The following SLC44A5 variants were observed in gnomAD, a reference collection of about 807,000 sequenced individuals.
SLC44A5 encodes solute carrier family 44 member 5.
A neutral mutation model predicts 101.8 loss-of-function variants in SLC44A5; 57 were observed. The ratio of observed to expected loss-of-function variants is 0.56; its 90% CI spans 0.45 to 0.70. SLC44A5 has a LOEUF of 0.70. Ranked by LOEUF, SLC44A5 falls within the 30% of genes least tolerant of loss-of-function variation. The pLI is 0.00. For synonymous variants in SLC44A5, 281 were observed against 290.9 expected (o/e 0.97, Z 0.35); for missense variants, 737 against 853.1 (o/e 0.86, Z 1.70).
the SLC44A5 span, among the ~76,000 whole-genome samples, chr1:75,628,135 T>C: frequency 1.3e-5 from 2 of 151,908 alleles, no homozygotes; most frequent in East Asian, 1.9e-4. Flanking sequence ...TAGAAACCTA[T>C]GCAGAAAAAG....
At chr1:75,454,575 A>G (rs1325310556) in intron 2 of SLC44A5, among the ~76,000 whole-genome samples, 1 of 151,958 alleles carries the variant, frequency 6.6e-6, no homozygotes, top group Non-Finnish European at 1.5e-5. Context: ...AATAAATAAA[A>G]AGTATCCAAA....
intron 2 of SLC44A5, among the ~76,000 whole-genome samples, chr1:75,463,190 G>A (rs1482861856): frequency 6.6e-6 from 1 of 152,162 alleles, no homozygotes; most frequent in Non-Finnish European, 1.5e-5. Flanking sequence ...GGAAGGCCGA[G>A]GCAGGCGGAT....
chr1:75,531,533 T>C (rs1356598998), intron 2 of SLC44A5, among the ~76,000 whole-genome samples: 1 of 152,168 alleles, frequency 6.6e-6, no homozygotes, highest in Non-Finnish European at 1.5e-5. Flanking sequence ...GGGGATCTTG[T>C]AAAAACATAG....
the SLC44A5 span, among the ~76,000 whole-genome samples, chr1:75,679,237 G>A: frequency 7.2e-5 from 11 of 152,054 alleles, no homozygotes; most frequent in Non-Finnish European, 1.5e-4. Context: ...GCAGGCCAAC[G>A]TTCAGATTCA....
chr1:75,376,315 C>A (rs1351677504), intron 3 of SLC44A5, among the ~76,000 whole-genome samples: 1 of 152,238 alleles, frequency 6.6e-6, no homozygotes, highest in Non-Finnish European at 1.5e-5. Context: ...CCAGGAAGCT[C>A]CAACTGGGTG....
intron 4 of SLC44A5, among the ~76,000 whole-genome samples, chr1:75,308,781 T>C (rs1557647663): frequency 6.6e-6 from 1 of 152,180 alleles, no homozygotes; most frequent in East Asian, 1.9e-4. Context: ...AGAGTAGTGC[T>C]AAAAAATGTT....
chr1:75,330,968 T>C (rs373862890), intron 4 of SLC44A5, among the ~76,000 whole-genome samples: 108 of 52,102 alleles, frequency 2.1e-3, no homozygotes, highest in Middle Eastern at 0.015. Context: ...CTTTCTCTCT[T>C]TTTTTTTTTT....
chr1:75,258,208 A>C lies in SLC44A5; in HGVS notation c.261-6914T>G, dbSNP rs1424638325. 2.6e-5 allele frequency among the ~76,000 whole-genome samples: 4 copies of C among 151,970 alleles called. 1 individual carries two copies. Among genetic ancestry groups the C allele is most frequent in the African/African-American group, 9.7e-5 (4 of 41,330 alleles). On this transcript the variant is annotated intron_variant, in intron 6 of 23. Transcript: ENST00000370859. ...GAGACAGAACTGTTCACTCCCCTAG[A>C]AAGGGGGCTGAAGCCAGGGAACCAA... is the stretch of plus-strand genomic sequence containing the variant.
At chr1:75,218,067 G>T in intron 17 of SLC44A5, 107 bp from the exon 18 acceptor site, 1 of 743,350 alleles carries the variant, frequency 1.3e-6, no homozygotes, top group Non-Finnish European at 2.2e-6. Context: ...AGGATTAACA[G>T]CAAAGAGACT....
intron 14 of SLC44A5, among the ~76,000 whole-genome samples, chr1:75,220,104 TAA>T: frequency 6.6e-6 from 1 of 152,316 alleles, no homozygotes; most frequent in South Asian, 2.1e-4. Context: ...GACTCCTGCC[TAA>T]AGTCCCTCAA....
chr1:75,402,155 A>G lies in SLC44A5; in HGVS notation c.14-5534T>C, dbSNP rs369458144. On this transcript the variant is annotated intron_variant, in intron 2 of 23. Transcript: ENST00000370859. ...ATGTGTGTGTTTTGAAATGTATAAG[A>G]TTTGAAAACTCATAGCCTGAAAAAA... Among the ~76,000 whole-genome samples, 39 of 152,326 alleles carry G rather than the reference A, an allele frequency of 2.6e-4. No individual in the cohort carries two copies. In the South Asian group the frequency reaches 7.9e-3, roughly 31 times the overall value.
At chr1:75,553,483 C>T (rs1472903634) in intron 1 of SLC44A5, among the ~76,000 whole-genome samples, 2 of 152,114 alleles carry the variant, frequency 1.3e-5, no homozygotes, top group South Asian at 2.1e-4. Context: ...TAAGTAATTA[C>T]AATACATCAT....
At position 75,339,618 on chromosome 1, in the gene SLC44A5, G is replaced by T. The variant is rs1362304473; in HGVS notation, c.65C>A (p.Thr22Lys). 6.2e-7 allele frequency: 1 copy of T among 1,608,706 alleles called. No homozygotes were observed. The highest frequency in any genetic ancestry group is 1.3e-5 in the African/African-American group (1 of 74,724). Residue 22 changes from threonine (T) to lysine (K), a missense_variant, in exon 4 of 24, where the codon ACA (threonine) becomes AAA (lysine). By Grantham distance (78) the Thr-to-Lys change is moderately conservative. Coordinates refer to ENST00000370859, the MANE Select transcript of SLC44A5 (RefSeq NM_001130058.2). ...AGGCCCCTTGAAATCTGGGTCATAT[G>T]TCCTTGGATCACCTGCATTTAAAAC... ...SEEEDFGDPR[T>K]YDPDFKGPVA...
chr1:75,681,804 G>A, the SLC44A5 span, among the ~76,000 whole-genome samples: 5 of 151,918 alleles, frequency 3.3e-5, no homozygotes, highest in Non-Finnish European at 7.4e-5. Flanking sequence ...ATTAGGAAAA[G>A]AGGAAGTCAA....
At chr1:75,479,743 A>G (rs1317226462) in intron 2 of SLC44A5, among the ~76,000 whole-genome samples, 1 of 152,222 alleles carries the variant, frequency 6.6e-6, no homozygotes, top group East Asian at 1.9e-4. Flanking sequence ...AGGCTCTGAA[A>G]TTGTGGCAAT....
intron 2 of SLC44A5, among the ~76,000 whole-genome samples, chr1:75,479,705 A>G (rs991917618): frequency 1.3e-5 from 2 of 152,090 alleles, no homozygotes; most frequent in African/African-American, 4.8e-5. Flanking sequence ...AACCAGGAAG[A>G]AGTTGAATCT....
intron 6 of SLC44A5, among the ~76,000 whole-genome samples, chr1:75,266,762 G>A (rs1651028327): frequency 6.6e-6 from 1 of 152,146 alleles, no homozygotes. Flanking sequence ...AATGCTGTAG[G>A]TTCTGAAGAT....
intron 2 of SLC44A5, among the ~76,000 whole-genome samples, chr1:75,482,171 T>C (rs10782783): frequency 0.7 from 105,163 of 150,502 alleles, 37,145 homozygotes; most frequent in East Asian, 0.96. Context: ...ATCACAAGGA[T>C]AAAAAACCAA....
intron 1 of SLC44A5, among the ~76,000 whole-genome samples, chr1:75,550,147 A>G (rs371584866): frequency 4.6e-5 from 7 of 152,254 alleles, no homozygotes; most frequent in African/African-American, 1.7e-4. Context: ...AAGAACCAAA[A>G]AGTGGAAACA....
Sources: gnomAD v4.1 joint callset for allele counts (sites outside exome capture counted in the v4.1 genomes callset) on GRCh38, gnomAD v4.1.1 for gene constraint, MANE v1.5 for transcripts, NCBI Gene and HGNC (gene_info 2026-07-23, HGNC 2026-07-21) for gene names.